Variants in ABCG5 observed in about 807,000 individuals in gnomAD.
ABCG5 encodes ATP binding cassette subfamily G member 5.
Under a neutral mutation model 64.5 loss-of-function variants are expected in ABCG5, and 64 were observed. The observed-to-expected ratio is 0.99, with a 90% confidence interval of 0.81 to 1.22. The LOEUF (loss-of-function observed/expected upper bound fraction) is 1.22. Among genes scored for constraint, ABCG5 ranks in the 50% most tolerant of loss-of-function variants. The probability of loss-of-function intolerance (pLI) is 0.00; values close to 1 mark genes in which losing one functional copy is unlikely to be tolerated. For missense variants in ABCG5, 908 were observed against 829.5 expected (o/e 1.09, Z -1.16); for synonymous variants, 385 against 326.3 (o/e 1.18, Z -1.94).
rs376140340 is a variant in ABCG5 at position 43,812,891 on chromosome 2, C to A, written c.*225G>T. On this transcript the variant is annotated 3_prime_UTR_variant, in exon 13 of 13. Transcript: ENST00000405322. ...TCTTGGGTCCGCTCAGTCACAATTT[C>A]CAAATAACCACATGTCCCTGCAAGT... is the stretch of plus-strand genomic sequence containing the variant. 1.8e-4 allele frequency: 100 copies of A among 552,464 alleles called. 1 individual carries two copies. The South Asian group carries it at 2.0e-3, about 11-fold the overall frequency. 34.2% of individuals were successfully genotyped at this position (552,464 alleles called of 1,614,324 possible).
In ABCG5 at chr2:43,821,329, A is replaced by T. The variant is rs548359080; in HGVS notation, c.1464-1229T>A. 2.0e-5 allele frequency among the ~76,000 whole-genome samples: 3 copies of T among 152,228 alleles called. No individual in the cohort carries two copies. In the South Asian group the frequency reaches 6.2e-4, roughly 32 times the overall value. ...CCTATCATTTTCCTCAAGCTCTTTA[A>T]CCTTCTTGATGAGCCATCCACATCA... On this transcript the variant is annotated intron_variant, in intron 10 of 12. Coordinates refer to ENST00000405322, the MANE Select transcript of ABCG5 (RefSeq NM_022436.3).
chr2:43,809,661 A>G (rs4952683), downstream of ABCG5: 305,792 of 1,439,108 alleles, frequency 0.21, 35,432 homozygotes, highest in African/African-American at 0.41. Context: ...TCCTTGAATT[A>G]GTAAAGTTGA....
intron 10 of ABCG5, among the ~76,000 whole-genome samples, chr2:43,822,340 T>G (rs1667266474): frequency 6.6e-6 from 1 of 152,174 alleles, no homozygotes; most frequent in African/African-American, 2.4e-5. Flanking sequence ...TCATCCTCTC[T>G]GATGCTGCCC....
chr2:43,833,543 C>T (rs1405015076), intron 2 of ABCG5, among the ~76,000 whole-genome samples: 1 of 151,408 alleles, frequency 6.6e-6, no homozygotes, highest in Non-Finnish European at 1.5e-5. Flanking sequence ...CCACCATGCC[C>T]AACTAATTTT....
intron 4 of ABCG5, 33 bp downstream of exon 4, chr2:43,831,736 G>C (rs1667956403): frequency 6.5e-7 from 1 of 1,547,734 alleles, no homozygotes; most frequent in African/African-American, 1.4e-5. Flanking sequence ...AAGGTACTCA[G>C]TTTGCCCTCT....
intron 10 of ABCG5, among the ~76,000 whole-genome samples, chr2:43,820,614 A>G (rs1279163249): frequency 6.6e-6 from 1 of 151,796 alleles, no homozygotes; most frequent in Non-Finnish European, 1.5e-5. Context: ...ACTCCATTCC[A>G]TTCTTGTCTT....
rs1667456828 is a variant in ABCG5 at position 43,824,383 on chromosome 2, G to A, written c.954C>T (p.Thr318=). 17 of 1,614,122 alleles carry A rather than the reference G, an allele frequency of 1.1e-5. No homozygotes were observed. The highest frequency in any genetic ancestry group is 1.3e-5 in the Non-Finnish European group (15 of 1,180,014). Residue 318 remains threonine, a synonymous_variant, in exon 8 of 13, where the codon ACC becomes ACT. Coordinates refer to ENST00000405322, the MANE Select transcript of ABCG5 (RefSeq NM_022436.3). ...ATTCTATCATCTGGACTCTCTTGGAGGTTTCTATTTCCCGTTCCTTGCTTT... is the reference window on the plus strand; with the variant it reads ...ATTCTATCATCTGGACTCTCTTGGAAGTTTCTATTTCCCGTTCCTTGCTTT... The part of the protein sequence containing the change: ...DTQSKEREIE[T]SKRVQMIESA...
At chr2:43,820,324 C>T (rs1195604269) in intron 10 of ABCG5, among the ~76,000 whole-genome samples, 2 of 152,196 alleles carry the variant, frequency 1.3e-5, no homozygotes, top group East Asian at 1.9e-4. Flanking sequence ...GCCACCTTTT[C>T]CCTTTCACGG....
At chr2:43,823,232 G>A (rs1355751953) in intron 9 of ABCG5, among the ~76,000 whole-genome samples, 4 of 152,128 alleles carry the variant, frequency 2.6e-5, no homozygotes, top group African/African-American at 7.2e-5. Flanking sequence ...GCATGAATAA[G>A]TGATTTGAAG....
At chr2:43,811,884 G>A (rs146129442), downstream of ABCG5, among the ~76,000 whole-genome samples, 3,273 of 152,142 alleles carry the variant, frequency 0.022, 82 homozygotes, top group African/African-American at 0.062. Context: ...ATGAGCCACC[G>A]CGCCTGGCCA....
rs1392726740 is a variant in ABCG5 at position 43,813,708 on chromosome 2, CGTTT to C, written c.1763-403_1763-400del. 1.1e-3 allele frequency among the ~76,000 whole-genome samples: 39 copies of C among 35,362 alleles called. 1 individual carries two copies. The highest frequency in any genetic ancestry group is 3.4e-3 in the African/African-American group (33 of 9,658). 23.2% of individuals were successfully genotyped at this position (35,362 alleles called of 152,430 possible). On this transcript the variant is annotated intron_variant, in intron 12 of 12. Transcript: ENST00000405322. ...TTGTTTTTTTTGGGGTTTTTTTTTT[CGTTT>C]TTTTTTTTTTTTTTTTTTTTTTTGA... is the stretch of plus-strand genomic sequence containing the variant.
At chr2:43,837,617 A>G (rs1668361523) in intron 2 of ABCG5, among the ~76,000 whole-genome samples, 1 of 152,178 alleles carries the variant, frequency 6.6e-6, no homozygotes, top group Non-Finnish European at 1.5e-5. Flanking sequence ...TTATATTTTG[A>G]AATATGAATT....
chr2:43,833,872 C>A (rs971782410), intron 2 of ABCG5, among the ~76,000 whole-genome samples: 1 of 151,552 alleles, frequency 6.6e-6, no homozygotes. Flanking sequence ...TTTGTAGAGA[C>A]GGGGTTTCAC....
At chr2:43,806,778 A>C in the ABCG5 span, among the ~76,000 whole-genome samples, 1 of 152,166 alleles carries the variant, frequency 6.6e-6, no homozygotes, top group African/African-American at 2.4e-5. Context: ...ATGACTTAAA[A>C]CCATAAGAAT....
At chr2:43,822,767 C>G (rs760632719) in intron 10 of ABCG5, 30 bp downstream of exon 10, 2 of 1,613,922 alleles carry the variant, frequency 1.2e-6, no homozygotes. Flanking sequence ...CATGGGAGCC[C>G]GGCCCTGGGT....
intron 5 of ABCG5, among the ~76,000 whole-genome samples, chr2:43,827,536 T>G (rs1667694767): frequency 6.6e-6 from 1 of 152,122 alleles, no homozygotes; most frequent in Admixed American, 6.5e-5. Context: ...GACTGACTAC[T>G]CTGTTTTGAT....
rs1558738919 is a variant in ABCG5, at chr2:43,822,886, G to A, written c.1374C>T (p.Tyr458=). 1.9e-6 allele frequency: 3 copies of A among 1,614,124 alleles called. No individual in the cohort carries two copies. Among genetic ancestry groups the A allele is most frequent in the Non-Finnish European group, 2.5e-6 (3 of 1,180,010 alleles). Residue 458 remains tyrosine (Y), a synonymous_variant, in exon 10 of 13, where the codon TAC becomes TAT. Coordinates refer to ENST00000405322, the MANE Select transcript of ABCG5 (RefSeq NM_022436.3). ...VSDQESQDGL[Y]QKWQMMLAYA... ...AGGCCAGCATCATCTGCCACTTCTG[G>A]TAGAGGCCGTCCTGACTCTCCTGGT...
At position 43,824,314 on chromosome 2, in the gene ABCG5, A is replaced by G; in HGVS notation, c.1023T>C (p.Asn341=). 1 of 1,614,198 alleles carries G rather than the reference A, an allele frequency of 6.2e-7. No individual in the cohort carries two copies. The highest frequency in any genetic ancestry group is 8.5e-7 in the Non-Finnish European group (1 of 1,180,038). ...TTTTCAGGTGTTTCATTCTTTCAATATTCTTCAAAGTTTTATGACAAATTG... is the reference window on the plus strand; with the variant it reads ...TTTTCAGGTGTTTCATTCTTTCAATGTTCTTCAAAGTTTTATGACAAATTG... ...KSAICHKTLK[N]IERMKHLKTL... is the part of the protein sequence containing the mutation. The change falls in exon 8 of 13, where the codon AAT becomes AAC. Residue 341 remains asparagine, a synonymous_variant. Coordinates refer to ENST00000405322, the MANE Select transcript of ABCG5 (RefSeq NM_022436.3).
intron 5 of ABCG5, among the ~76,000 whole-genome samples, chr2:43,827,694 G>A (rs1023320052): frequency 6.6e-6 from 1 of 152,190 alleles, no homozygotes; most frequent in Non-Finnish European, 1.5e-5. Flanking sequence ...GAGAAGAAAT[G>A]ATTGGCAGGG....
Sources: allele counts gnomAD v4.1 joint callset (sites outside exome capture counted in the v4.1 genomes callset), GRCh38; gene constraint gnomAD v4.1.1; transcripts MANE v1.5; gene names NCBI Gene and HGNC (gene_info 2026-07-23, HGNC 2026-07-21).